Variants in BCL2L13 observed in about 807,000 individuals in gnomAD.
BCL2L13 encodes bcl-2-like protein 13.
In BCL2L13, 13 loss-of-function variants were observed where a neutral mutation model predicts 25.8. The ratio of observed to expected loss-of-function variants is 0.50; its 90% confidence interval spans 0.33 to 0.80. BCL2L13 has a LOEUF of 0.80. Among genes scored for constraint, BCL2L13 ranks in the 30% least tolerant of loss-of-function variants. The pLI is 0.02. For synonymous variants in BCL2L13, 244 were observed against 230.3 expected, an observed-to-expected ratio of 1.06 and a Z score of -0.54; for missense variants, 504 against 574.9, an observed-to-expected ratio of 0.88 and a Z score of 1.26.
intron 6 of BCL2L13, among the ~76,000 whole-genome samples, chr22:17,709,281 G>A (rs1250145699): frequency 2.0e-5 from 3 of 151,624 alleles, no homozygotes; most frequent in African/African-American, 7.3e-5. Context: ...CCGGTGACAT[G>A]GCAAAACCCT....
chr22:17,704,746 T>G (rs910726122), intron 6 of BCL2L13, among the ~76,000 whole-genome samples: 7 of 152,192 alleles, frequency 4.6e-5, no homozygotes, highest in African/African-American at 1.7e-4. Context: ...AGGGCAAATA[T>G]GCTTGTTATG....
intron 6 of BCL2L13, among the ~76,000 whole-genome samples, chr22:17,711,971 T>C (rs1937941767): frequency 6.6e-6 from 1 of 151,912 alleles, no homozygotes; most frequent in Non-Finnish European, 1.5e-5. Flanking sequence ...TTATGTTCCT[T>C]GTCTCCAGGT....
At chr22:17,717,014 T>C (rs909001545) in intron 6 of BCL2L13, among the ~76,000 whole-genome samples, 2 of 152,260 alleles carry the variant, frequency 1.3e-5, no homozygotes, top group African/African-American at 4.8e-5. Context: ...GCTCCAGCTT[T>C]GCCTTTCTTC....
intron 3 of BCL2L13, among the ~76,000 whole-genome samples, chr22:17,686,455 T>A (rs5747328): frequency 0.85 from 128,851 of 151,242 alleles, 55,012 homozygotes; most frequent in East Asian, 0.94. Context: ...TTAAAAAAAA[T>A]GAAATGTACA....
intron 6 of BCL2L13, among the ~76,000 whole-genome samples, chr22:17,720,430 C>T (rs191444765): frequency 3.3e-5 from 5 of 152,238 alleles, no homozygotes; most frequent in Middle Eastern, 3.4e-3. Context: ...GATCTCGGCT[C>T]ACCACAACCT....
chr22:17,669,036 T>C (rs1267597310), intron 2 of BCL2L13, among the ~76,000 whole-genome samples: 8 of 142,908 alleles, frequency 5.6e-5, no homozygotes, highest in Non-Finnish European at 1.1e-4. Context: ...CTTTCTTTTT[T>C]TTTTTTTTTT....
intron 1 of BCL2L13, among the ~76,000 whole-genome samples, chr22:17,646,394 G>A (rs903712074): frequency 1.3e-5 from 2 of 151,088 alleles, no homozygotes; most frequent in Non-Finnish European, 2.9e-5. Flanking sequence ...TTACAGGTGT[G>A]CATGCCACCA....
upstream of BCL2L13, chr22:17,637,998 T>C (rs2058142087): frequency 6.6e-6 from 1 of 152,236 alleles, no homozygotes; most frequent in African/African-American, 2.4e-5. Flanking sequence ...CTGATCTGGC[T>C]CAGTCTTCTA....
intron 1 of BCL2L13, among the ~76,000 whole-genome samples, chr22:17,643,626 A>G (rs745804112): frequency 2.0e-5 from 3 of 151,858 alleles, no homozygotes; most frequent in Non-Finnish European, 2.9e-5. Flanking sequence ...TTTTATTTTT[A>G]TTTTATTTAT....
intron 4 of BCL2L13, among the ~76,000 whole-genome samples, chr22:17,691,301 A>G (rs745798748): frequency 6.6e-6 from 1 of 152,222 alleles, no homozygotes; most frequent in Non-Finnish European, 1.5e-5. Flanking sequence ...TGTAAAAGTT[A>G]TCTGGACCAG....
chr22:17,702,496 A>C, intron 6 of BCL2L13, 110 bp downstream of exon 6: 1 of 1,055,540 alleles, frequency 9.5e-7, no homozygotes, highest in Non-Finnish European at 1.3e-6. Flanking sequence ...GCAGTGTCTA[A>C]TTGCTGGCAC....
intron 4 of BCL2L13, 144 bp from the exon 5 acceptor site, chr22:17,695,997 G>T: frequency 6.2e-6 from 3 of 487,652 alleles, no homozygotes; most frequent in East Asian, 3.8e-5. Flanking sequence ...AGTGTGAAAA[G>T]CCACGTCTTG....
intron 2 of BCL2L13, among the ~76,000 whole-genome samples, chr22:17,661,069 C>T (rs8141347): frequency 0.61 from 88,136 of 144,512 alleles, 31,085 homozygotes; most frequent in East Asian, 0.85. Flanking sequence ...TGAGCTTCTG[C>T]ACCTGGCTCC....
intron 6 of BCL2L13, 173 bp downstream of exon 6, chr22:17,702,559 G>A: frequency 1.8e-6 from 1 of 542,718 alleles, no homozygotes; most frequent in African/African-American, 2.0e-5. Flanking sequence ...TCCTGCCTCA[G>A]GTCCTGAATA....
intron 1 of BCL2L13, among the ~76,000 whole-genome samples, chr22:17,648,103 C>T (rs80198946): frequency 0.015 from 2,264 of 150,814 alleles, 60 homozygotes; most frequent in African/African-American, 0.051. Context: ...GCACTCCTGG[C>T]GACAGAGACT....
At chr22:17,631,563 A>G (rs2058013551) in intron 1 of BCL2L13, among the ~76,000 whole-genome samples, 1 of 148,264 alleles carries the variant, frequency 6.7e-6, no homozygotes, top group South Asian at 2.1e-4. Flanking sequence ...AGAGTCCTAC[A>G]GTGTTTGTCA....
chr22:17,724,780 G>A (rs770812001), intron 6 of BCL2L13, among the ~76,000 whole-genome samples: 1 of 152,146 alleles, frequency 6.6e-6, no homozygotes, highest in African/African-American at 2.4e-5. Flanking sequence ...TACGAGTGTT[G>A]TCTAGCCTTT....
rs546074570 is a variant in BCL2L13 at position 17,652,677 on chromosome 22, A to G, written c.-50-2985A>G. ...TGATCTTGAACTCCTGGCCTCAGGT[A>G]ATCCACCCGCCTCAGCCTCCAAAAG... On this transcript the variant is annotated intron_variant, in intron 1 of 6. Transcript: ENST00000317582. 7.2e-5 allele frequency among the ~76,000 whole-genome samples: 11 copies of G among 152,214 alleles called. No individual in the cohort carries two copies. The South Asian group carries it at 2.3e-3, about 32-fold the overall frequency.
intron 6 of BCL2L13, among the ~76,000 whole-genome samples, chr22:17,718,643 G>A (rs1339062054): frequency 6.6e-6 from 1 of 152,160 alleles, no homozygotes; most frequent in Non-Finnish European, 1.5e-5. Context: ...TAGCCATGTG[G>A]GGTTTGAAGT....
Sources: allele counts gnomAD v4.1 joint callset (sites outside exome capture counted in the v4.1 genomes callset), GRCh38; gene constraint gnomAD v4.1.1; transcripts MANE v1.5; gene names NCBI Gene and HGNC (gene_info 2026-07-23, HGNC 2026-07-21).